The following TMEM108 variants were observed in gnomAD, a reference collection of about 807,000 sequenced individuals.
TMEM108 encodes the protein transmembrane protein 108.
Under a neutral mutation model 35.1 loss-of-function variants are expected in TMEM108, and 12 were observed. The ratio of observed to expected loss-of-function variants is 0.34; its 90% confidence interval spans 0.22 to 0.55. The LOEUF (loss-of-function observed/expected upper bound fraction) is 0.55. TMEM108 is among the 20% of genes least tolerant of loss of function. The probability of loss-of-function intolerance (pLI) is 0.89; values close to 1 mark genes in which losing one functional copy is unlikely to be tolerated. For missense variants in TMEM108, 680 were observed against 753.3 expected (o/e 0.90, Z 1.14); for synonymous variants, 287 against 308.6 (o/e 0.93, Z 0.73).
At chr3:133,163,036 TG>T (rs1458875221) in intron 2 of TMEM108, among the ~76,000 whole-genome samples, 1 of 152,220 alleles carries the variant, frequency 6.6e-6, no homozygotes, top group Non-Finnish European at 1.5e-5. Flanking sequence ...TTGAGTTTAA[TG>T]TCTGTTGCTT....
chr3:133,050,459 C>T (rs1230550020), intron 2 of TMEM108, among the ~76,000 whole-genome samples: 1 of 152,118 alleles, frequency 6.6e-6, no homozygotes, highest in Admixed American at 6.5e-5. Flanking sequence ...ATGTCAGCAT[C>T]ACCCACCAGA....
intron 3 of TMEM108, among the ~76,000 whole-genome samples, chr3:133,337,380 T>C (rs2071530675): frequency 6.6e-6 from 1 of 152,078 alleles, no homozygotes; most frequent in Admixed American, 6.6e-5. Flanking sequence ...TTGGGAGAAG[T>C]TAAGGGAACA....
chr3:133,055,827 G>A (rs1467812546), intron 2 of TMEM108, among the ~76,000 whole-genome samples: 2 of 152,198 alleles, frequency 1.3e-5, no homozygotes, highest in African/African-American at 4.8e-5. Context: ...ATGCTTCCCT[G>A]ACTATCAAAA....
chr3:133,302,350 A>G (rs1272467330), intron 3 of TMEM108, among the ~76,000 whole-genome samples: 1 of 151,754 alleles, frequency 6.6e-6, no homozygotes, highest in Non-Finnish European at 1.5e-5. Context: ...TGAACTGCAG[A>G]TATTCCAAAA....
At chr3:133,181,145 A>G (rs1006165518) in intron 2 of TMEM108, among the ~76,000 whole-genome samples, 1 of 151,830 alleles carries the variant, frequency 6.6e-6, no homozygotes, top group Non-Finnish European at 1.5e-5. Context: ...TAGGCTTGAA[A>G]GTCATCATCA....
intron 2 of TMEM108, among the ~76,000 whole-genome samples, chr3:133,114,048 A>G (rs1208512618): frequency 1.3e-5 from 2 of 152,196 alleles, no homozygotes; most frequent in Non-Finnish European, 2.9e-5. Flanking sequence ...TAGAAAAAGC[A>G]TAATCAAAAT....
intron 3 of TMEM108, among the ~76,000 whole-genome samples, chr3:133,242,976 G>A (rs1946333818): frequency 6.6e-6 from 1 of 152,182 alleles, no homozygotes; most frequent in Admixed American, 6.5e-5. Flanking sequence ...ATTGCAATGT[G>A]CCCACTTTGC....
At chr3:133,284,126 C>G (rs1946952817) in intron 3 of TMEM108, among the ~76,000 whole-genome samples, 1 of 152,216 alleles carries the variant, frequency 6.6e-6, no homozygotes, top group Admixed American at 6.5e-5. Context: ...CTATGTCTTT[C>G]TCATCCTTCT....
Position 133,198,262 on chromosome 3 carries a change from C to G in TMEM108, c.-46-31004C>G, listed in dbSNP as rs1383134274. Among the ~76,000 whole-genome samples the G allele has an allele frequency of 2.0e-5, 3 of 152,124 alleles. No individual in the cohort carries two copies. In the East Asian group the frequency reaches 5.8e-4, roughly 29 times the overall value. On this transcript the variant is annotated intron_variant, in intron 2 of 5. Transcript: ENST00000321871. Reference sequence around the variant, plus strand: ...AGGATTATGTGGATTTTGAGAATGGCAAAACACACAACTCCTAACACTAGA... The same window carrying G: ...AGGATTATGTGGATTTTGAGAATGGGAAAACACACAACTCCTAACACTAGA...
At chr3:133,096,051 A>G (rs1378917259) in intron 2 of TMEM108, among the ~76,000 whole-genome samples, 1 of 152,200 alleles carries the variant, frequency 6.6e-6, no homozygotes, top group East Asian at 1.9e-4. Flanking sequence ...AGGCTCTCCT[A>G]AAAAATGATA....
intron 3 of TMEM108, among the ~76,000 whole-genome samples, chr3:133,272,597 A>C (rs1946788542): frequency 6.6e-6 from 1 of 152,144 alleles, no homozygotes; most frequent in Non-Finnish European, 1.5e-5. Context: ...GGTCCCCCCA[A>C]GGGGCACACA....
At chr3:133,342,864 T>C (rs1268803204) in intron 3 of TMEM108, among the ~76,000 whole-genome samples, 6 of 151,320 alleles carry the variant, frequency 4.0e-5, no homozygotes, top group Admixed American at 2.6e-4. Flanking sequence ...AGAGTGACTA[T>C]AGTTAACAAT....
At position 133,395,763 on chromosome 3, in the gene TMEM108, A is replaced by G. The variant is rs543550453; in HGVS notation, c.1606-101A>G. ...GGATGATGAAAATGTGCACCAAGCC[A>G]TCAGTGCTGAAATAAATGTTCCCAT... On this transcript the variant is annotated intron_variant, in intron 5 of 5. Transcript: ENST00000321871. 1.3e-5 allele frequency: 16 copies of G among 1,248,274 alleles called. No homozygotes were observed. In the East Asian group the frequency reaches 4.2e-4, roughly 33 times the overall value. The allele number at this position is 1,248,274 out of a possible 1,614,324, so 77.3% of individuals were successfully genotyped here.
chr3:133,117,753 TTTGA>T (rs1175513919), intron 2 of TMEM108, among the ~76,000 whole-genome samples: 1 of 152,092 alleles, frequency 6.6e-6, no homozygotes, highest in African/African-American at 2.4e-5. Context: ...ATTTTTGGGG[TTTGA>T]TTGGGTGCAC....
chr3:133,138,999 G>A (rs887705880), intron 2 of TMEM108, among the ~76,000 whole-genome samples: 1 of 148,582 alleles, frequency 6.7e-6, no homozygotes, highest in Non-Finnish European at 1.5e-5. Flanking sequence ...TCCTACTTAT[G>A]AGTGAGAACA....
chr3:133,353,862 A>G (rs1253832419), intron 3 of TMEM108, among the ~76,000 whole-genome samples: 2 of 152,164 alleles, frequency 1.3e-5, no homozygotes, highest in Admixed American at 6.6e-5. Flanking sequence ...CATACAGCCT[A>G]TTTGCCCAAG....
intron 2 of TMEM108, among the ~76,000 whole-genome samples, chr3:133,076,884 G>A (rs1402452): frequency 0.24 from 35,923 of 152,168 alleles, 4,759 homozygotes; most frequent in African/African-American, 0.36. Context: ...ATCCAGATCT[G>A]TGGATAAGCC....
chr3:133,121,432 A>T (rs1038238653), intron 2 of TMEM108, among the ~76,000 whole-genome samples: 8 of 152,234 alleles, frequency 5.3e-5, no homozygotes, highest in Non-Finnish European at 1.2e-4. Flanking sequence ...AGTCTCTGAC[A>T]AAAGAATCAG....
intron 2 of TMEM108, among the ~76,000 whole-genome samples, chr3:133,169,867 C>T (rs180781372): frequency 4.6e-5 from 7 of 152,206 alleles, no homozygotes; most frequent in African/African-American, 7.2e-5. Context: ...CACAGTGATG[C>T]GAACAAAAGA....
Sources: allele counts gnomAD v4.1 joint callset (sites outside exome capture counted in the v4.1 genomes callset), GRCh38; gene constraint gnomAD v4.1.1; transcripts MANE v1.5; gene names NCBI Gene and HGNC (gene_info 2026-07-23, HGNC 2026-07-21).